SLC30A8: variants seen among roughly 807,000 people sequenced by gnomAD.
SLC30A8 encodes solute carrier family 30 member 8, also known as proton-coupled zinc antiporter SLC30A8.
In SLC30A8, 27 loss-of-function variants were observed where a neutral mutation model predicts 36.9. The ratio of observed to expected loss-of-function variants is 0.73; its 90% CI spans 0.54 to 1.01. The LOEUF (loss-of-function observed/expected upper bound fraction) is 1.01, where lower values mean the gene tolerates loss of function less well. Among genes scored for constraint, SLC30A8 ranks in the 50% least tolerant of loss-of-function variants. SLC30A8 has a pLI of 0.00. For synonymous variants in SLC30A8, 164 were observed against 172.4 expected, an observed-to-expected ratio of 0.95 and a Z score of 0.38; for missense variants, 439 against 452.0, an observed-to-expected ratio of 0.97 and a Z score of 0.26.
At chr8:117,031,125 TATCAG>T (rs1209054185) in intron 1 of SLC30A8, among the ~76,000 whole-genome samples, 2 of 152,246 alleles carry the variant, frequency 1.3e-5, no homozygotes, top group Non-Finnish European at 2.9e-5. Context: ...TTTTCCCAAG[TATCAG>T]ATCAGTTTGA....
intron 6 of SLC30A8, among the ~76,000 whole-genome samples, chr8:117,169,642 G>T (rs1044452172): frequency 4.6e-5 from 7 of 152,094 alleles, no homozygotes; most frequent in Admixed American, 3.9e-4. Flanking sequence ...GGTTCTGCAG[G>T]CTGTACAGGA....
At chr8:117,158,359 A>G (rs1822608907) in intron 4 of SLC30A8, among the ~76,000 whole-genome samples, 3 of 152,190 alleles carry the variant, frequency 2.0e-5, no homozygotes, top group African/African-American at 7.2e-5. Context: ...GGACTCTAAA[A>G]TGTATTTACT....
At chr8:117,084,356 A>G (rs550190837) in intron 2 of SLC30A8, among the ~76,000 whole-genome samples, 109 of 152,286 alleles carry the variant, frequency 7.2e-4, no homozygotes, top group Admixed American at 5.0e-3. Flanking sequence ...GTAGGACTAA[A>G]CAGATGTTCC....
chr8:117,002,498 C>T (rs1816043858), intron 1 of SLC30A8, among the ~76,000 whole-genome samples: 1 of 152,072 alleles, frequency 6.6e-6, no homozygotes, highest in African/African-American at 2.4e-5. Flanking sequence ...TTTAAAAATA[C>T]ATTTTTTTTC....
chr8:117,043,314 C>G (rs1040490914), intron 2 of SLC30A8, among the ~76,000 whole-genome samples: 14 of 152,162 alleles, frequency 9.2e-5, no homozygotes, highest in African/African-American at 2.9e-4. Flanking sequence ...CTTTCAGAGA[C>G]AGGAAATCAG....
chr8:117,002,812 C>T (rs111545543), intron 1 of SLC30A8, among the ~76,000 whole-genome samples: 1 of 152,100 alleles, frequency 6.6e-6, no homozygotes, highest in East Asian at 1.9e-4. Flanking sequence ...ACCGTGTTGG[C>T]CAGGATGGTC....
chr8:116,957,029 A>G (rs897430207), intron 1 of SLC30A8, among the ~76,000 whole-genome samples: 1 of 152,198 alleles, frequency 6.6e-6, no homozygotes, highest in Non-Finnish European at 1.5e-5. Context: ...CAAATATACA[A>G]ATACTACAGA....
chr8:117,139,877 AAGT>A lies in SLC30A8; in HGVS notation c.71+4482_71+4484del, dbSNP rs1301973246. On this transcript the variant is annotated intron_variant, in intron 1 of 7. Transcript: ENST00000456015. ...CATCTGGTAAAAAAAAAAAAAAAAA[AAGT>A]AGAAACAGTCCAGGTGTTGTATTTA... Among the ~76,000 whole-genome samples, 329 of 151,864 alleles carry A rather than the reference AAGT, an allele frequency of 2.2e-3. 1 individual carries two copies. Among genetic ancestry groups the A allele is most frequent in the African/African-American group, 7.5e-3 (310 of 41,460 alleles).
At chr8:117,119,718 G>A (rs1459795479) in intron 2 of SLC30A8, among the ~76,000 whole-genome samples, 1 of 151,884 alleles carries the variant, frequency 6.6e-6, no homozygotes, top group Non-Finnish European at 1.5e-5. Context: ...AGAAGCTATA[G>A]TAGTACAGCA....
At chr8:117,112,420 A>G (rs1430730889) in intron 2 of SLC30A8, among the ~76,000 whole-genome samples, 1 of 152,092 alleles carries the variant, frequency 6.6e-6, no homozygotes, top group East Asian at 1.9e-4. Context: ...GCCCCTGCCA[A>G]TTCACCACAC....
intron 1 of SLC30A8, among the ~76,000 whole-genome samples, chr8:116,979,290 G>C (rs928143360): frequency 1.2e-4 from 17 of 146,430 alleles, no homozygotes; most frequent in Admixed American, 7.5e-4. Flanking sequence ...AGATAATTGT[G>C]TCTCTTTTAA....
At chr8:116,993,375 C>T (rs934419868) in intron 1 of SLC30A8, among the ~76,000 whole-genome samples, 2 of 152,004 alleles carry the variant, frequency 1.3e-5, no homozygotes, top group Non-Finnish European at 2.9e-5. Context: ...AAAGCCTTGA[C>T]AGAATCAAGA....
At chr8:116,977,752 C>T (rs2130634784) in intron 1 of SLC30A8, among the ~76,000 whole-genome samples, 1 of 152,136 alleles carries the variant, frequency 6.6e-6, no homozygotes, top group South Asian at 2.1e-4. Flanking sequence ...TCTCATGATC[C>T]ACCTGCCTCG....
chr8:116,996,714 G>T (rs769993947), intron 1 of SLC30A8, among the ~76,000 whole-genome samples: 12 of 152,140 alleles, frequency 7.9e-5, no homozygotes, highest in Non-Finnish European at 1.5e-4. Flanking sequence ...TGTTCTACAA[G>T]TGTAAGCTTG....
chr8:117,088,175 A>G (rs1818955892), intron 2 of SLC30A8, among the ~76,000 whole-genome samples: 1 of 152,122 alleles, frequency 6.6e-6, no homozygotes. Flanking sequence ...CAGGTGAGAA[A>G]AATTGCATGG....
intron 4 of SLC30A8, among the ~76,000 whole-genome samples, chr8:117,160,403 T>TTGTGTG (rs71569723): frequency 0.026 from 3,740 of 145,868 alleles, 116 homozygotes; most frequent in East Asian, 0.17. Flanking sequence ...AATTTTCCAC[T>TTGTGTG]TGTGTGTGTG....
At chr8:117,010,561 T>G (rs147301883) in intron 1 of SLC30A8, among the ~76,000 whole-genome samples, 1 of 152,348 alleles carries the variant, frequency 6.6e-6, no homozygotes, top group African/African-American at 2.4e-5. Flanking sequence ...AAATTATTAG[T>G]TCATGTTTTT....
rs556321202 is a variant in SLC30A8, at chr8:116,968,508, C to G, written c.-266+17389C>G. ...CAGAGAGATTGAGAATTTGAGGAAA[C>G]TGATGCCTCTTCAAACTTCTGCAGG... is the stretch of plus-strand genomic sequence containing the variant. On this transcript the variant is annotated intron_variant, in intron 1 of 10. Coordinates refer to the SLC30A8 transcript ENST00000427715. 8.6e-5 allele frequency among the ~76,000 whole-genome samples: 13 copies of G among 151,870 alleles called. No individual in the cohort carries two copies. The South Asian group carries it at 2.1e-3, about 24-fold the overall frequency.
intron 1 of SLC30A8, among the ~76,000 whole-genome samples, chr8:117,001,801 A>G (rs1237990939): frequency 6.6e-6 from 1 of 152,192 alleles, no homozygotes; most frequent in Non-Finnish European, 1.5e-5. Context: ...ATAATATCAT[A>G]TTAGCTACTA....
Sources: gnomAD v4.1 joint callset for allele counts (sites outside exome capture counted in the v4.1 genomes callset) on GRCh38, gnomAD v4.1.1 for gene constraint, MANE v1.5 for transcripts, NCBI Gene and HGNC (gene_info 2026-07-23, HGNC 2026-07-21) for gene names.